The following SLC35F1 variants were observed in gnomAD, a reference collection of about 807,000 sequenced individuals.
SLC35F1 encodes solute carrier family 35 member F1.
In SLC35F1, 14 loss-of-function variants were observed where a neutral mutation model predicts 48.7. That is an observed-to-expected ratio of 0.29 (90% CI 0.19 to 0.45). The LOEUF is 0.45. Among genes scored for constraint, SLC35F1 ranks in the 20% least tolerant of loss-of-function variants. The pLI is 1.00. For missense variants in SLC35F1, 404 were observed against 500.0 expected (o/e 0.81, Z 1.83); for synonymous variants, 190 against 202.2 (o/e 0.94, Z 0.51).
intron 6 of SLC35F1, among the ~76,000 whole-genome samples, chr6:118,281,670 C>G (rs542759107): frequency 6.6e-6 from 1 of 152,206 alleles, no homozygotes; most frequent in South Asian, 2.1e-4. Flanking sequence ...TGGCCTCCCT[C>G]TTGTATTTCC....
chr6:118,232,054 G>A (rs982892986), intron 2 of SLC35F1, among the ~76,000 whole-genome samples: 4 of 151,966 alleles, frequency 2.6e-5, no homozygotes, highest in Admixed American at 1.3e-4. Flanking sequence ...AATTGCAATG[G>A]GATTTAACAT....
intron 4 of SLC35F1, among the ~76,000 whole-genome samples, chr6:118,274,522 C>T (rs1402389208): frequency 6.6e-6 from 1 of 152,044 alleles, no homozygotes; most frequent in East Asian, 1.9e-4. Flanking sequence ...CTCAGCCTCC[C>T]AAGTAGCTGG....
At chr6:118,248,128 C>T (rs148689753) in intron 3 of SLC35F1, among the ~76,000 whole-genome samples, 15 of 152,210 alleles carry the variant, frequency 9.9e-5, no homozygotes, top group African/African-American at 2.4e-4. Flanking sequence ...GAATGATAAC[C>T]GTGTTTGGAT....
chr6:118,075,792 G>A (rs1188829690), intron 1 of SLC35F1, among the ~76,000 whole-genome samples: 1 of 152,176 alleles, frequency 6.6e-6, no homozygotes. Context: ...TCTTTATATT[G>A]TCAAATCTAT....
intron 1 of SLC35F1, among the ~76,000 whole-genome samples, chr6:118,067,477 A>T (rs1387742120): frequency 1.3e-5 from 2 of 152,160 alleles, no homozygotes; most frequent in African/African-American, 4.8e-5. Flanking sequence ...CCCCATACAT[A>T]AGGTGTGGAT....
chr6:118,302,099 C>T (rs77841258), intron 7 of SLC35F1, among the ~76,000 whole-genome samples: 20 of 151,852 alleles, frequency 1.3e-4, no homozygotes, highest in South Asian at 2.1e-4. Context: ...TGGCATCTAA[C>T]GCCGTATCTA....
chr6:117,949,528 G>A (rs1378880781), intron 1 of SLC35F1, among the ~76,000 whole-genome samples: 2 of 152,068 alleles, frequency 1.3e-5, no homozygotes, highest in South Asian at 4.1e-4. Flanking sequence ...TTCTGCCAAG[G>A]TGTGATTTAT....
At chr6:117,936,817 A>G (rs1170259702) in intron 1 of SLC35F1, among the ~76,000 whole-genome samples, 1 of 152,172 alleles carries the variant, frequency 6.6e-6, no homozygotes, top group Non-Finnish European at 1.5e-5. Flanking sequence ...TCAAGGCAGG[A>G]TTTGCATGGA....
intron 1 of SLC35F1, among the ~76,000 whole-genome samples, chr6:117,923,691 G>A (rs112248736): frequency 0.14 from 1,036 of 7,350 alleles, 312 homozygotes; most frequent in South Asian, 0.34. Flanking sequence ...ATATACATAT[G>A]TACATATACA....
At chr6:118,074,308 T>G (rs1772786190) in intron 1 of SLC35F1, among the ~76,000 whole-genome samples, 1 of 152,190 alleles carries the variant, frequency 6.6e-6, no homozygotes. Context: ...TAATTCAGGT[T>G]GTGCAAAACA....
At chr6:118,207,947 G>A (rs981420081) in intron 2 of SLC35F1, among the ~76,000 whole-genome samples, 8 of 152,142 alleles carry the variant, frequency 5.3e-5, no homozygotes, top group Non-Finnish European at 8.8e-5. Flanking sequence ...TTTGGGATTG[G>A]GGCGATGATT....
intron 1 of SLC35F1, among the ~76,000 whole-genome samples, chr6:118,066,454 C>G (rs1772614942): frequency 6.6e-6 from 1 of 152,178 alleles, no homozygotes; most frequent in African/African-American, 2.4e-5. Context: ...GAAATGAATT[C>G]TGCCAACAAC....
chr6:118,031,319 G>C (rs74694511), intron 1 of SLC35F1, among the ~76,000 whole-genome samples: 2,621 of 152,236 alleles, frequency 0.017, 77 homozygotes, highest in African/African-American at 0.059. Flanking sequence ...TTCAAGGGCA[G>C]GTATGAGGTC....
chr6:117,967,579 G>T (rs1193475737), intron 1 of SLC35F1, among the ~76,000 whole-genome samples: 1 of 152,186 alleles, frequency 6.6e-6, no homozygotes, highest in Non-Finnish European at 1.5e-5. Context: ...TCGACACATT[G>T]TGACCCTGTT....
At chr6:117,911,296 C>G (rs1775758667) in intron 1 of SLC35F1, among the ~76,000 whole-genome samples, 1 of 152,096 alleles carries the variant, frequency 6.6e-6, no homozygotes, top group African/African-American at 2.4e-5. Context: ...GGAATAATTA[C>G]TACTCCTTTA....
rs531199839 is a variant in SLC35F1 at position 117,988,067 on chromosome 6, T to C, written c.173+80168T>C. Among the ~76,000 whole-genome samples, 4 of 152,128 alleles carry C rather than the reference T, an allele frequency of 2.6e-5. No homozygotes were observed. In the South Asian group the frequency reaches 8.3e-4, roughly 32 times the overall value. On this transcript the variant is annotated intron_variant, in intron 1 of 7. Transcript: ENST00000360388. ...TACATCACTCCAAACCTACACTCTT[T>C]CTAGAGCAATCCAGTGGACACACAT...
chr6:118,315,700 A>G lies in SLC35F1; in HGVS notation c.*1448A>G, dbSNP rs1440124404. On this transcript the variant is annotated 3_prime_UTR_variant, in exon 8 of 8. Transcript: ENST00000360388. The stretch of plus-strand genomic sequence containing the variant: ...GTGATCCGCCCACCTTGGCCTCCCG[A>G]AGTGCTGGGATTACAGGCGTGAGCC... 1 of 152,314 alleles carries G rather than the reference A, an allele frequency of 6.6e-6. No homozygotes were observed. Among genetic ancestry groups the G allele is most frequent in the East Asian group, 1.9e-4 (1 of 5,178 alleles). 9.4% of individuals were successfully genotyped at this position (152,314 alleles called of 1,614,324 possible). A position where few individuals can be genotyped will look rare whatever the true frequency, so the allele number is the denominator to read the frequency against.
chr6:117,926,308 GT>G lies in SLC35F1; in HGVS notation c.173+18410del, dbSNP rs1255078211. ...CTCTCTCCTGCTGCCCTGTGAAGAG[GT>G]GCTTTCTACCGTAATTATAAGTTTC... On this transcript the variant is annotated intron_variant, in intron 1 of 7. Transcript: ENST00000360388. 2.6e-5 allele frequency among the ~76,000 whole-genome samples: 4 copies of G among 152,106 alleles called. No individual in the cohort carries two copies. In the East Asian group the frequency reaches 5.8e-4, roughly 22 times the overall value.
chr6:117,914,259 TA>T (rs919023520), intron 1 of SLC35F1, among the ~76,000 whole-genome samples: 2,417 of 141,120 alleles, frequency 0.017, 54 homozygotes, highest in African/African-American at 0.049. Flanking sequence ...CTCTGAGGAT[TA>T]AAAAAAAAAA....
Sources: allele counts gnomAD v4.1 joint callset (sites outside exome capture counted in the v4.1 genomes callset), GRCh38; gene constraint gnomAD v4.1.1; transcripts MANE v1.5; gene names NCBI Gene and HGNC (gene_info 2026-07-23, HGNC 2026-07-21).